CD163L1: variants seen among roughly 807,000 people sequenced by gnomAD.
The protein encoded by CD163L1 is scavenger receptor cysteine-rich type 1 protein M160.
Under a neutral mutation model 165.4 loss-of-function variants are expected in CD163L1, and 124 were observed. The observed-to-expected ratio is 0.75, with a 90% confidence interval of 0.65 to 0.87. The LOEUF (loss-of-function observed/expected upper bound fraction) is 0.87. Ranked by LOEUF, CD163L1 falls within the 40% of genes least tolerant of loss-of-function variation. The pLI is 0.00. For synonymous variants in CD163L1, 585 were observed against 662.2 expected (o/e 0.88, Z 1.79); for missense variants, 1,525 against 1,799.9 (o/e 0.85, Z 2.76).
the CD163L1 span, chr12:7,323,490 C>T: frequency 1.2e-6 from 2 of 1,613,810 alleles, no homozygotes; most frequent in African/African-American, 2.7e-5. Context: ...GTTCTACCAC[C>T]TGGCAAAGAA....
At position 7,377,392 on chromosome 12, in the gene CD163L1, A is replaced by C. The variant is rs769793111; in HGVS notation, c.2372-1378T>G. ...GCATATATTTTACTTCATCACAGAA[A>C]GTGATGTTCTTTTGAACAGCACTAC... On this transcript the variant is annotated intron_variant, in intron 9 of 19. Transcript: ENST00000313599. 2.8e-4 allele frequency among the ~76,000 whole-genome samples: 42 copies of C among 152,314 alleles called. 1 individual carries two copies. The highest frequency in any genetic ancestry group is 7.5e-4 in the African/African-American group (31 of 41,570).
chr12:7,410,633 C>A (rs1234305382), intron 4 of CD163L1, among the ~76,000 whole-genome samples: 1 of 140,896 alleles, frequency 7.1e-6, no homozygotes, highest in Admixed American at 7.4e-5. Context: ...GCGACGAGAC[C>A]ATCCTGGCTA....
rs758331958 is a variant in CD163L1, at chr12:7,440,182, G to A, written c.124+972C>T. On this transcript the variant is annotated intron_variant, in intron 2 of 19. Transcript: ENST00000313599. ...GCCTGCTCTTGGCTCCGGGTAGCCG[G>A]CCAGGGCGGACACTTAACACTCGCG... Among the ~76,000 whole-genome samples the A allele has an allele frequency of 6.8e-4, 104 of 152,362 alleles. 1 individual carries two copies. The highest frequency in any genetic ancestry group is 1.4e-3 in the Non-Finnish European group (93 of 68,018).
intron 9 of CD163L1, among the ~76,000 whole-genome samples, chr12:7,377,790 C>G (rs932272970): frequency 6.6e-6 from 1 of 152,158 alleles, no homozygotes; most frequent in African/African-American, 2.4e-5. Context: ...GTATGCTTTT[C>G]CAACTTCTTT....
chr12:7,405,659 A>G (rs2136529198), intron 5 of CD163L1, among the ~76,000 whole-genome samples: 1 of 152,308 alleles, frequency 6.6e-6, no homozygotes, highest in African/African-American at 2.4e-5. Flanking sequence ...ACTCTTCTTA[A>G]AAGATGTGAC....
rs1274649433 is a variant in CD163L1 at position 7,368,289 on chromosome 12, GAGA to G, written c.4073-95_4073-93del. The G allele has an allele frequency of 1.5e-6, 1 of 656,976 alleles. No individual in the cohort carries two copies. Among genetic ancestry groups the G allele is most frequent in the South Asian group, 2.0e-5 (1 of 50,734 alleles). 40.7% of individuals were successfully genotyped at this position (656,976 alleles called of 1,614,324 possible). A position where few individuals can be genotyped will look rare whatever the true frequency, so the allele number is the denominator to read the frequency against. The stretch of plus-strand genomic sequence containing the variant: ...AAAAAAAACTGGTTCCCTAGTTGCT[GAGA>G]AGAATAATGGCTATACATTTCAACA... On this transcript the variant is annotated intron_variant, in intron 16 of 19. Coordinates refer to ENST00000313599, the MANE Select transcript of CD163L1 (RefSeq NM_174941.6). This position sits in a 1 kb window ranked among gnomAD's most constrained non-coding sequence, Gnocchi z 4.3.
At chr12:7,373,661 T>C (rs918220956) in intron 13 of CD163L1, 21 bp from the exon 14 acceptor site, 2 of 1,532,388 alleles carry the variant, frequency 1.3e-6, no homozygotes, top group South Asian at 1.3e-5. Flanking sequence ...ATACAAAACT[T>C]AGTATTAAAT....
chr12:7,344,022 A>G (rs760627081), downstream of CD163L1, among the ~76,000 whole-genome samples: 5 of 152,262 alleles, frequency 3.3e-5, no homozygotes, highest in East Asian at 9.7e-4. Flanking sequence ...GGTCCAAAAG[A>G]AAGGAGCAAC....
intron 6 of CD163L1, among the ~76,000 whole-genome samples, chr12:7,401,505 T>C (rs1323017362): frequency 6.6e-6 from 1 of 152,136 alleles, no homozygotes; most frequent in African/African-American, 2.4e-5. Context: ...TTTGGCAAAC[T>C]ATATAATCAA....
intron 9 of CD163L1, among the ~76,000 whole-genome samples, chr12:7,376,595 T>C (rs1034103346): frequency 2.0e-5 from 3 of 152,238 alleles, no homozygotes; most frequent in African/African-American, 7.2e-5. Context: ...ATGTGAATTC[T>C]TTGGAGTCCT....
In CD163L1 at chr12:7,368,260, T is replaced by C; in HGVS notation, c.4073-63A>G. 1 of 922,626 alleles carries C rather than the reference T, an allele frequency of 1.1e-6. No homozygotes were observed. Among genetic ancestry groups the C allele is most frequent in the South Asian group, 1.6e-5 (1 of 64,014 alleles). The allele number at this position is 922,626 out of a possible 1,614,324, so 57.2% of individuals were successfully genotyped here. The stretch of plus-strand genomic sequence containing the variant: ...TAGATATCAATTGTGGGTTTATACA[T>C]TGTAAAAAAAACTGGTTCCCTAGTT... On this transcript the variant is annotated intron_variant, in intron 16 of 19. Coordinates refer to ENST00000313599, the MANE Select transcript of CD163L1 (RefSeq NM_174941.6). This position sits in a 1 kb window ranked among gnomAD's most constrained non-coding sequence, Gnocchi z 4.3.
Position 7,398,634 on chromosome 12 carries a change from T to C in CD163L1, c.1409-50A>G. 4 of 1,463,004 alleles carry C rather than the reference T, an allele frequency of 2.7e-6. No individual in the cohort carries two copies. Among genetic ancestry groups the C allele is most frequent in the Non-Finnish European group, 3.7e-6 (4 of 1,089,642 alleles). 90.6% of individuals were successfully genotyped at this position (1,463,004 alleles called of 1,614,324 possible). A position where few individuals can be genotyped will look rare whatever the true frequency, so the allele number is the denominator to read the frequency against. ...TTTGAGATCAAATGAGAGAGTCTTT[T>C]CAGAAGACTGAAAAGACTCTCTAAA... On this transcript the variant is annotated intron_variant, in intron 6 of 19. Coordinates refer to ENST00000313599, the MANE Select transcript of CD163L1 (RefSeq NM_174941.6). This position sits in a 1 kb window ranked among gnomAD's most constrained non-coding sequence, Gnocchi z 4.5.
chr12:7,427,312 C>T (rs867309606), intron 4 of CD163L1, among the ~76,000 whole-genome samples: 2 of 152,010 alleles, frequency 1.3e-5, no homozygotes, highest in African/African-American at 2.4e-5. Flanking sequence ...GTCTTCATAT[C>T]GTTTGCCCAG....
At position 7,432,871 on chromosome 12, in the gene CD163L1, T is replaced by C; in HGVS notation, c.446-135A>G. 1.4e-6 allele frequency: 1 copy of C among 714,208 alleles called. No individual in the cohort carries two copies. 44.2% of individuals were successfully genotyped at this position (714,208 alleles called of 1,614,324 possible). A position where few individuals can be genotyped will look rare whatever the true frequency, so the allele number is the denominator to read the frequency against. On this transcript the variant is annotated intron_variant, in intron 3 of 19. Transcript: ENST00000313599. The surrounding 1 kb of genome is among the most constrained non-coding windows in gnomAD (Gnocchi z 4.2). ...TTAAAAAAAAATAACTGAAAATACTTATAGGAGGGGTATGTGAGGCTTTTT... is the reference window on the plus strand; with the variant it reads ...TTAAAAAAAAATAACTGAAAATACTCATAGGAGGGGTATGTGAGGCTTTTT...
chr12:7,320,630 T>C, the CD163L1 span: 3 of 1,028,448 alleles, frequency 2.9e-6, no homozygotes, highest in African/African-American at 1.6e-5. Flanking sequence ...GATGGGCACA[T>C]ATTAATGGAA....
chr12:7,410,794 C>T (rs183251563), intron 4 of CD163L1, among the ~76,000 whole-genome samples: 206 of 151,542 alleles, frequency 1.4e-3, no homozygotes, highest in African/African-American at 4.9e-3. Context: ...CACACCACTG[C>T]ACTCCAGCCT....
chr12:7,343,091 G>C (rs1946648176), downstream of CD163L1, among the ~76,000 whole-genome samples: 1 of 152,130 alleles, frequency 6.6e-6, no homozygotes, highest in South Asian at 2.1e-4. Flanking sequence ...ATTAGGGATG[G>C]GGAAAGAGAG....
intron 2 of CD163L1, chr12:7,438,811 C>A (rs565962212): frequency 5.6e-5 from 86 of 1,530,998 alleles, no homozygotes; most frequent in Non-Finnish European, 7.3e-5. Context: ...AGAGGCCTCT[C>A]TCTTCCCCGC....
At chr12:7,332,651 T>C in the CD163L1 span, among the ~76,000 whole-genome samples, 1 of 152,168 alleles carries the variant, frequency 6.6e-6, no homozygotes, top group South Asian at 2.1e-4. Context: ...AGAAAAGAAT[T>C]TTCAACCCAG....
Sources: allele counts gnomAD v4.1 joint callset (sites outside exome capture counted in the v4.1 genomes callset), GRCh38; gene constraint gnomAD v4.1.1; non-coding constraint Gnocchi (gnomAD v3.1); transcripts MANE v1.5; gene names NCBI Gene and HGNC (gene_info 2026-07-23, HGNC 2026-07-21).